Variants in MDM2 observed in about 807,000 individuals in gnomAD.
MDM2 encodes the protein MDM2 proto-oncogene.
MDM2 carries 11 observed loss-of-function variants against 64.3 expected under a neutral mutation model. The ratio of observed to expected loss-of-function variants is 0.17; its 90% CI spans 0.11 to 0.28. The LOEUF is 0.28. Ranked by LOEUF, MDM2 falls within the 10% of genes least tolerant of loss-of-function variation. The probability of loss-of-function intolerance (pLI) is 1.00; values close to 1 mark genes in which losing one functional copy is unlikely to be tolerated. For synonymous variants in MDM2, 194 were observed against 192.9 expected (o/e 1.01, Z -0.05); for missense variants, 388 against 577.1 (o/e 0.67, Z 3.36).
intron 2 of MDM2, among the ~76,000 whole-genome samples, chr12:68,810,167 T>G (rs1046877968): frequency 6.6e-6 from 1 of 151,854 alleles, no homozygotes; most frequent in Non-Finnish European, 1.5e-5. Flanking sequence ...CAAAAATTAG[T>G]CGGGCATGGT....
At chr12:68,817,641 C>G (rs3730531) in intron 4 of MDM2, among the ~76,000 whole-genome samples, 2 of 151,574 alleles carry the variant, frequency 1.3e-5, no homozygotes, top group Non-Finnish European at 2.9e-5. Context: ...TCCAGCTACT[C>G]GGGAGGCTGA....
At chr12:68,836,614 G>A (rs769588730) in intron 9 of MDM2, 58 bp from the exon 10 acceptor site, 1 of 1,138,580 alleles carries the variant, frequency 8.8e-7, no homozygotes, top group Middle Eastern at 2.0e-4. Context: ...TTACTAGGAA[G>A]CCTTCTGATT....
Position 68,816,362 on chromosome 12 carries a change from C to CTTTTTTTTTTT in MDM2, c.175-432_175-422dup, listed in dbSNP as rs62874563. The stretch of plus-strand genomic sequence containing the variant: ...TTAAATGGAAAAGGCTTAAAAGTAG[C>CTTTTTTTTTTT]TTTTTTTTTTTTTTTTTTTTTTTTT... On this transcript the variant is annotated intron_variant, in intron 3 of 10. Coordinates refer to ENST00000258149, the MANE Select transcript of MDM2 (RefSeq NM_002392.6). 3.3e-4 allele frequency among the ~76,000 whole-genome samples: 20 copies of CTTTTTTTTTTT among 61,064 alleles called. 2 individuals are homozygous for CTTTTTTTTTTT. Among genetic ancestry groups the CTTTTTTTTTTT allele is most frequent in the African/African-American group, 1.3e-3 (20 of 14,890 alleles). 40.1% of individuals were successfully genotyped at this position (61,064 alleles called of 152,430 possible).
downstream of MDM2, chr12:68,847,854 CAAAA>C (rs146704286): frequency 6.6e-6 from 1 of 152,140 alleles, no homozygotes; most frequent in East Asian, 1.9e-4. Context: ...ATTTAGAAGA[CAAAA>C]AGACAATTTT....
In MDM2 at chr12:68,843,357, AATAAATGAT is replaced by A. The variant is rs2136188817; in HGVS notation, c.*3511_*3519del. The A allele has an allele frequency of 4.3e-6, 1 of 231,264 alleles. No homozygotes were observed. Among genetic ancestry groups the A allele is most frequent in the South Asian group, 1.8e-4 (1 of 5,516 alleles). The allele number at this position is 231,264 out of a possible 1,614,324, so 14.3% of individuals were successfully genotyped here. A position where few individuals can be genotyped will look rare whatever the true frequency, so the allele number is the denominator to read the frequency against. On this transcript the variant is annotated 3_prime_UTR_variant, in exon 11 of 11. Coordinates refer to ENST00000258149, the MANE Select transcript of MDM2 (RefSeq NM_002392.6). ...TAATGTATTGAATGTTCTTGCTACA[AATAAATGAT>A]ATTTGAGCTGATGGGTGTGCTAATT...
chr12:68,812,924 C>A (rs956082224), intron 2 of MDM2, among the ~76,000 whole-genome samples: 2 of 152,138 alleles, frequency 1.3e-5, no homozygotes, highest in African/African-American at 2.4e-5. Flanking sequence ...AGGCTCCTTG[C>A]ATACAGGTCA....
intron 5 of MDM2, among the ~76,000 whole-genome samples, chr12:68,821,571 A>C (rs954247950): frequency 2.6e-5 from 4 of 152,072 alleles, no homozygotes; most frequent in Non-Finnish European, 5.9e-5. Flanking sequence ...AAAACTACAA[A>C]AATCAGCTTG....
At chr12:68,826,535 G>A (rs1414982192) in intron 7 of MDM2, among the ~76,000 whole-genome samples, 7 of 151,418 alleles carry the variant, frequency 4.6e-5, no homozygotes, top group African/African-American at 1.7e-4. Context: ...TGTAATCCCA[G>A]CTACTTGGGA....
At position 68,839,975 on chromosome 12, in the gene MDM2, A is replaced by G; in HGVS notation, c.*126A>G. ...CAATTCACATAGATTTCTTCTCTTT[A>G]GTATAATTGACCTACTTTGGTAGTG... On this transcript the variant is annotated 3_prime_UTR_variant, in exon 11 of 11. Coordinates refer to ENST00000258149, the MANE Select transcript of MDM2 (RefSeq NM_002392.6). 1.2e-6 allele frequency: 1 copy of G among 856,682 alleles called. No individual in the cohort carries two copies. The highest frequency in any genetic ancestry group is 1.7e-6 in the Non-Finnish European group (1 of 571,892). The allele number at this position is 856,682 out of a possible 1,614,324, so 53.1% of individuals were successfully genotyped here.
intron 8 of MDM2, among the ~76,000 whole-genome samples, chr12:68,830,443 A>C (rs1378317898): frequency 1.3e-5 from 2 of 152,228 alleles, no homozygotes; most frequent in African/African-American, 4.8e-5. Flanking sequence ...GTCTGAGAGC[A>C]GGTTCTTCAT....
chr12:68,815,528 A>G, intron 3 of MDM2: 1 of 192,508 alleles, frequency 5.2e-6, no homozygotes, highest in South Asian at 5.0e-5. Context: ...TGCAGCCTGG[A>G]CCTCGTGGGC....
chr12:68,839,659 G>C lies in MDM2; in HGVS notation c.1304G>C (p.Ser435Thr). The part of the protein sequence containing the change: ...TQDKEESVES[S>T]LPLNAIEPCV... ...GACAAAGAAGAGAGTGTGGAATCTA[G>C]TTTGCCCCTTAATGCCATTGAACCT... is the stretch of plus-strand genomic sequence containing the variant. The change falls in exon 11 of 11, where the codon AGT (serine) becomes ACT (threonine). Residue 435 changes from serine to threonine, a missense_variant. Ser to Thr is a moderately conservative substitution (Grantham distance 58). Transcript: ENST00000258149. 2 of 1,613,776 alleles carry C rather than the reference G, an allele frequency of 1.2e-6. No homozygotes were observed. Among genetic ancestry groups the C allele is most frequent in the Non-Finnish European group, 1.7e-6 (2 of 1,179,988 alleles).
intron 7 of MDM2, among the ~76,000 whole-genome samples, chr12:68,825,712 G>A (rs3730581): frequency 0.31 from 47,132 of 152,114 alleles, 8,888 homozygotes; most frequent in South Asian, 0.52. Flanking sequence ...GTTAGTAGAC[G>A]TAGTAGACGA....
chr12:68,846,515 A>G (rs751204783), downstream of MDM2: 3 of 152,140 alleles, frequency 2.0e-5, no homozygotes, highest in African/African-American at 4.8e-5. Flanking sequence ...ACTGTCCTGT[A>G]TTAAGTAGGC....
intron 4 of MDM2, among the ~76,000 whole-genome samples, chr12:68,818,346 GTA>G (rs2136124405): frequency 6.6e-6 from 1 of 151,576 alleles, no homozygotes; most frequent in South Asian, 2.1e-4. Flanking sequence ...TGTAAACATA[GTA>G]TATATTATTA....
In MDM2 at chr12:68,824,708, A is replaced by G. The variant is rs952357991; in HGVS notation, c.523+57A>G. On this transcript the variant is annotated intron_variant, in intron 7 of 10. Transcript: ENST00000258149. Reference sequence around the variant, plus strand: ...ACAGCTTTTTGATATTCTTTCTCTAATGAAATTAGTGCTTTTAGACTTAAT... The same window carrying G: ...ACAGCTTTTTGATATTCTTTCTCTAGTGAAATTAGTGCTTTTAGACTTAAT... 5 of 1,130,962 alleles carry G rather than the reference A, an allele frequency of 4.4e-6. No homozygotes were observed. The South Asian group carries it at 6.7e-5, about 15-fold the overall frequency. The allele number at this position is 1,130,962 out of a possible 1,614,324, so 70.1% of individuals were successfully genotyped here. A position where few individuals can be genotyped will look rare whatever the true frequency, so the allele number is the denominator to read the frequency against.
At position 68,839,573 on chromosome 12, in the gene MDM2, T is replaced by C. The variant is rs754095005; in HGVS notation, c.1218T>C (p.Ser406=). Reference sequence around the variant, plus strand: ...AAGACTATTCTCAGCCATCAACTTCTAGTAGCATTATTTATAGCAGCCAAG... The same window carrying C: ...AAGACTATTCTCAGCCATCAACTTCCAGTAGCATTATTTATAGCAGCCAAG... ...ESEDYSQPST[S]SSIIYSSQED... The change falls in exon 11 of 11, where the codon TCT becomes TCC. Residue 406 remains serine (S), a synonymous_variant. Coordinates refer to ENST00000258149, the MANE Select transcript of MDM2 (RefSeq NM_002392.6). 6.2e-7 allele frequency: 1 copy of C among 1,613,820 alleles called. No individual in the cohort carries two copies. Among genetic ancestry groups the C allele is most frequent in the Non-Finnish European group, 8.5e-7 (1 of 1,180,008 alleles).
rs1322862558 is a variant in MDM2 at position 68,808,229 on chromosome 12, G to A, written c.-249G>A. On this transcript the variant is annotated 5_prime_UTR_variant, in exon 1 of 11. Coordinates refer to ENST00000258149, the MANE Select transcript of MDM2 (RefSeq NM_002392.6). ...CTTGGCTGCTTCTGGGGCCTGTGTGGCCCTGTGTGTCGGAAAGATGGAGCA... is the reference window on the plus strand; with the variant it reads ...CTTGGCTGCTTCTGGGGCCTGTGTGACCCTGTGTGTCGGAAAGATGGAGCA... The A allele has an allele frequency of 3.4e-6, 2 of 580,480 alleles. No homozygotes were observed. The highest frequency in any genetic ancestry group is 3.1e-6 in the Non-Finnish European group (1 of 327,414). The allele number at this position is 580,480 out of a possible 1,614,324, so 36.0% of individuals were successfully genotyped here.
chr12:68,843,791 A>G lies in MDM2; in HGVS notation c.*3942A>G, dbSNP rs978733069. The G allele has an allele frequency of 1.3e-4, 29 of 222,092 alleles. No individual in the cohort carries two copies. Among genetic ancestry groups the G allele is most frequent in the Admixed American group, 4.6e-4 (8 of 17,380 alleles). 13.8% of individuals were successfully genotyped at this position (222,092 alleles called of 1,614,324 possible). A position where few individuals can be genotyped will look rare whatever the true frequency, so the allele number is the denominator to read the frequency against. ...CCTCCAAGCATTATTTGGAGTTGAT[A>G]ATACTTCAGCTACAACCAAGCAGAA... is the stretch of plus-strand genomic sequence containing the variant. On this transcript the variant is annotated 3_prime_UTR_variant, in exon 11 of 11. Coordinates refer to ENST00000258149, the MANE Select transcript of MDM2 (RefSeq NM_002392.6).
Sources: allele counts gnomAD v4.1 joint callset (sites outside exome capture counted in the v4.1 genomes callset), GRCh38; gene constraint gnomAD v4.1.1; transcripts MANE v1.5; gene names NCBI Gene and HGNC (gene_info 2026-07-23, HGNC 2026-07-21).